Variants in COQ2 observed in about 807,000 individuals in gnomAD.
COQ2 encodes 4-hydroxybenzoate polyprenyltransferase, mitochondrial.
A neutral mutation model predicts 35.7 loss-of-function variants in COQ2; 25 were observed. The observed-to-expected ratio is 0.70, with a 90% CI of 0.51 to 0.98. The LOEUF is 0.98. Among genes scored for constraint, COQ2 ranks in the 50% least tolerant of loss-of-function variants. The pLI, the probability that COQ2 is intolerant of heterozygous loss-of-function variation, is 0.00. For missense variants in COQ2, 488 were observed against 473.5 expected, an observed-to-expected ratio of 1.03 and a Z score of -0.28; for synonymous variants, 206 against 186.2, an observed-to-expected ratio of 1.11 and a Z score of -0.86.
intron 2 of COQ2, among the ~76,000 whole-genome samples, chr4:83,276,603 T>C (rs1032773191): frequency 2.0e-5 from 3 of 152,226 alleles, no homozygotes; most frequent in Non-Finnish European, 2.9e-5. Context: ...TTGGTGGGGC[T>C]GTAAATTAGT....
intron 4 of COQ2, among the ~76,000 whole-genome samples, chr4:83,270,950 G>C (rs923223288): frequency 1.3e-5 from 2 of 152,072 alleles, no homozygotes; most frequent in African/African-American, 2.4e-5. Flanking sequence ...ATTTAATAAA[G>C]AGAACATTCA....
chr4:83,269,074 C>T (rs1338379976), intron 5 of COQ2, among the ~76,000 whole-genome samples: 3 of 152,020 alleles, frequency 2.0e-5, no homozygotes, highest in African/African-American at 7.2e-5. Flanking sequence ...AAGGCAATAT[C>T]AAAAGCTATA....
chr4:83,275,200 A>G (rs1735138531), intron 2 of COQ2, among the ~76,000 whole-genome samples: 1 of 152,170 alleles, frequency 6.6e-6, no homozygotes, highest in African/African-American at 2.4e-5. Context: ...AGATTTTCCT[A>G]GTTTTTGGTA....
At chr4:83,282,590 T>C (rs945919899) in intron 1 of COQ2, 1 of 919,546 alleles carries the variant, frequency 1.1e-6, no homozygotes, top group Non-Finnish European at 1.3e-6. Flanking sequence ...AATCTGTAAG[T>C]ACAATTTTCT....
chr4:83,272,207 C>G lies in COQ2; in HGVS notation c.543-35G>C, dbSNP rs772289687. 2.8e-6 allele frequency: 4 copies of G among 1,420,314 alleles called. No individual in the cohort carries two copies. In the African/African-American group the frequency reaches 4.3e-5, roughly 15 times the overall value. The allele number at this position is 1,420,314 out of a possible 1,614,324, so 88.0% of individuals were successfully genotyped here. The stretch of plus-strand genomic sequence containing the variant: ...GGAAAAACCATTAAAGTGATTATTA[C>G]CACTACCTCTTAGAAACCACGAAAT... On this transcript the variant is annotated intron_variant, in intron 3 of 6. Transcript: ENST00000647002.
intron 1 of COQ2, chr4:83,283,732 T>C: frequency 1.8e-5 from 18 of 985,426 alleles, no homozygotes; most frequent in Non-Finnish European, 2.2e-5. Context: ...AACTTATTAA[T>C]TCACTTAACA....
rs774220803 is a variant in COQ2 at position 83,267,736 on chromosome 4, C to T, written c.801G>A (p.Thr267=). 7.1e-6 allele frequency: 11 copies of T among 1,551,860 alleles called. No individual in the cohort carries two copies. The East Asian group carries it at 9.8e-5, about 14-fold the overall frequency. ...RDDVLIGLKS[T]ALRFGENTKP... is the part of the protein sequence containing the mutation. ...TGGTATTTTCTCCGAACCGCAGAGC[C>T]GTTGACTTAAGACCAATCAAAACAT... is the stretch of plus-strand genomic sequence containing the variant. Residue 267 remains threonine, a synonymous_variant, in exon 6 of 7, where the codon ACG becomes ACA. Transcript: ENST00000647002.
chr4:83,276,059 A>T (rs1171868177), intron 2 of COQ2, among the ~76,000 whole-genome samples: 788 of 18,982 alleles, frequency 0.042, 3 homozygotes, highest in Non-Finnish European at 0.14. Context: ...TATTATATAT[A>T]ATATATATTT....
At chr4:83,269,094 A>G (rs940251657) in intron 5 of COQ2, among the ~76,000 whole-genome samples, 2 of 152,244 alleles carry the variant, frequency 1.3e-5, no homozygotes, top group African/African-American at 4.8e-5. Flanking sequence ...AAAAATGCAT[A>G]TAATCCTTTA....
At chr4:83,272,889 T>C (rs1256931355) in intron 3 of COQ2, among the ~76,000 whole-genome samples, 3 of 152,234 alleles carry the variant, frequency 2.0e-5, no homozygotes, top group South Asian at 2.1e-4. Flanking sequence ...GGTATTGTCA[T>C]GTAATTGATG....
intron 1 of COQ2, chr4:83,284,113 C>T (rs1735393561): frequency 1.0e-6 from 1 of 985,318 alleles, no homozygotes; most frequent in Non-Finnish European, 1.2e-6. Flanking sequence ...ATCAAACATT[C>T]TAATAAATGA....
chr4:83,265,795 G>A (rs535364570), intron 6 of COQ2, among the ~76,000 whole-genome samples: 2 of 152,010 alleles, frequency 1.3e-5, no homozygotes, highest in Non-Finnish European at 2.9e-5. Context: ...CTCTCGAGTG[G>A]CTGGAATTAC....
At chr4:83,274,322 T>G (rs982632592) in intron 2 of COQ2, among the ~76,000 whole-genome samples, 1 of 152,106 alleles carries the variant, frequency 6.6e-6, no homozygotes, top group African/African-American at 2.4e-5. Context: ...GCCTCCCAAG[T>G]AGCTGGGATT....
intron 6 of COQ2, among the ~76,000 whole-genome samples, chr4:83,266,098 GGAGCT>G (rs1279827285): frequency 6.6e-6 from 1 of 152,150 alleles, no homozygotes; most frequent in Non-Finnish European, 1.5e-5. Context: ...CAGCCCTCAT[GGAGCT>G]GAGCTATGAC....
intron 2 of COQ2, among the ~76,000 whole-genome samples, chr4:83,276,401 A>C (rs961174608): frequency 7.2e-5 from 11 of 152,104 alleles, no homozygotes; most frequent in Admixed American, 2.0e-4. Flanking sequence ...TAGTTCAATT[A>C]AGTCTGATTT....
chr4:83,279,838 C>T (rs1735274826), intron 1 of COQ2, among the ~76,000 whole-genome samples: 1 of 146,824 alleles, frequency 6.8e-6, no homozygotes, highest in Non-Finnish European at 1.5e-5. Context: ...ATTGTTAGTA[C>T]AATACACTTA....
chr4:83,283,072 G>C (rs1036757848), intron 1 of COQ2, among the ~76,000 whole-genome samples: 1 of 152,164 alleles, frequency 6.6e-6, no homozygotes, highest in Admixed American at 6.5e-5. Flanking sequence ...AAACTCATGG[G>C]GGTCATACAC....
Position 83,284,729 on chromosome 4 carries a change from GC to G in COQ2, c.35del (p.Gly12AlafsTer110). 2 of 1,519,202 alleles carry G rather than the reference GC, an allele frequency of 1.3e-6. No homozygotes were observed. 94.1% of individuals were successfully genotyped at this position (1,519,202 alleles called of 1,614,324 possible). A position where few individuals can be genotyped will look rare whatever the true frequency, so the allele number is the denominator to read the frequency against. ...GCCACGCCAGTGCCACAGCCCGCAG[GC>G]CCCGCGCGAACCCCGCGGCTCGCGA... Reference protein sequence around the residue: ...LGSRAAGFARGLRAVALAWLP... With the variant: ...LGSRAAGFARXLRAVALAWLP... On this transcript the variant is annotated frameshift_variant, in exon 1 of 7. Coordinates refer to ENST00000647002, the MANE Select transcript of COQ2 (RefSeq NM_001358921.2). LOFTEE classifies it high-confidence loss of function.
At chr4:83,265,079 G>A (rs760164362) in intron 6 of COQ2, among the ~76,000 whole-genome samples, 22 of 152,208 alleles carry the variant, frequency 1.4e-4, no homozygotes, top group Non-Finnish European at 2.9e-4. Context: ...TCTGTTGCTA[G>A]TAATCTAGAA....
Sources: allele counts gnomAD v4.1 joint callset (sites outside exome capture counted in the v4.1 genomes callset), GRCh38; gene constraint gnomAD v4.1.1; transcripts MANE v1.5; gene names NCBI Gene and HGNC (gene_info 2026-07-23, HGNC 2026-07-21).